The following LRRC7 variants were observed in gnomAD, a reference collection of about 807,000 sequenced individuals.
LRRC7 encodes leucine rich repeat containing 7.
In LRRC7, 23 loss-of-function variants were observed where a neutral mutation model predicts 175.7. That is an observed-to-expected ratio of 0.13 (90% CI 0.09 to 0.19). LRRC7 has a LOEUF of 0.19. Ranked by LOEUF, LRRC7 falls within the 10% of genes least tolerant of loss-of-function variation. The pLI, the probability that LRRC7 is intolerant of heterozygous loss-of-function variation, is 1.00. For missense variants in LRRC7, 1,354 were observed against 1,904.7 expected, an observed-to-expected ratio of 0.71 and a Z score of 5.38; for synonymous variants, 685 against 680.9, an observed-to-expected ratio of 1.01 and a Z score of -0.09.
chr1:69,791,055 A>G (rs1400829882), intron 3 of LRRC7, among the ~76,000 whole-genome samples: 1 of 152,036 alleles, frequency 6.6e-6, no homozygotes, highest in Non-Finnish European at 1.5e-5. Flanking sequence ...GGCCAGTTTC[A>G]TAGTCATGGA....
intron 1 of LRRC7, 100 bp downstream of exon 1, chr1:69,568,741 G>C: frequency 1.2e-6 from 1 of 825,528 alleles, no homozygotes; most frequent in Non-Finnish European, 1.6e-6. Flanking sequence ...GCCGGCCGGG[G>C]GCGGGGGTGG....
intron 17 of LRRC7, among the ~76,000 whole-genome samples, chr1:70,026,314 A>G (rs1315823083): frequency 6.6e-6 from 1 of 152,152 alleles, no homozygotes; most frequent in Non-Finnish European, 1.5e-5. Flanking sequence ...AATTGGCATG[A>G]TAGTCATAGC....
rs1401386064 is a variant in LRRC7 at position 70,121,931 on chromosome 1, G to A, written c.*44G>A. ...GAAGATACGTCTAGCCAGACCTAAT[G>A]TTCAAAAATAAATTTATACATAGAA... On this transcript the variant is annotated 3_prime_UTR_variant, in exon 27 of 27. Transcript: ENST00000651989. 3 of 1,391,574 alleles carry A rather than the reference G, an allele frequency of 2.2e-6. No homozygotes were observed. Among genetic ancestry groups the A allele is most frequent in the Admixed American group, 2.0e-5 (1 of 49,086 alleles). The allele number at this position is 1,391,574 out of a possible 1,614,324, so 86.2% of individuals were successfully genotyped here. A position where few individuals can be genotyped will look rare whatever the true frequency, so the allele number is the denominator to read the frequency against.
Position 70,039,717 on chromosome 1 carries a change from A to G in LRRC7, c.3893A>G (p.Glu1298Gly), listed in dbSNP as rs1371220914. 5.0e-6 allele frequency: 8 copies of G among 1,613,956 alleles called. No homozygotes were observed. Among genetic ancestry groups the G allele is most frequent in the Non-Finnish European group, 5.9e-6 (7 of 1,179,922 alleles). ...ACGAGGCCTACTCCTGTGAAGGGAG[A>G]GGAGAGCTGTGGTAAAATGCCTGCA... Reference protein sequence around the residue: ...LKTRPTPVKGEESCGKMPADW... With the variant: ...LKTRPTPVKGGESCGKMPADW... The change falls in exon 21 of 27, where the codon GAG (glutamate) becomes GGG (glycine). Residue 1298 changes from glutamate to glycine, a missense_variant. Physicochemically the swap from Glu to Gly is moderately conservative, Grantham distance 98. Coordinates refer to ENST00000651989, the MANE Select transcript of LRRC7 (RefSeq NM_001370785.2).
rs1433282069 is a variant in LRRC7 at position 70,136,589 on chromosome 1, G to A, written c.*14702G>A. Among the ~76,000 whole-genome samples the A allele has an allele frequency of 6.6e-6, 1 of 151,984 alleles. No individual in the cohort carries two copies. The highest frequency in any genetic ancestry group is 1.5e-5 in the Non-Finnish European group (1 of 68,004). On this transcript the variant is annotated 3_prime_UTR_variant, in exon 27 of 27. Coordinates refer to ENST00000651989, the MANE Select transcript of LRRC7 (RefSeq NM_001370785.2). ...CTCAAGAAACACAGTCTAGTGGGGA[G>A]ACACACAAAAAGTCTAATAAATGCT...
At chr1:69,904,966 C>G (rs1312774972) in intron 7 of LRRC7, among the ~76,000 whole-genome samples, 1 of 152,122 alleles carries the variant, frequency 6.6e-6, no homozygotes, top group Non-Finnish European at 1.5e-5. Context: ...ATAACACCCT[C>G]CATTATGTAT....
chr1:69,592,635 T>C (rs946997951), intron 1 of LRRC7, among the ~76,000 whole-genome samples: 3 of 152,026 alleles, frequency 2.0e-5, no homozygotes, highest in African/African-American at 7.2e-5. Flanking sequence ...TTAGGGGAAA[T>C]TGTGGAAATT....
intron 26 of LRRC7, among the ~76,000 whole-genome samples, chr1:70,112,594 G>C (rs1367986405): frequency 1.3e-5 from 2 of 152,208 alleles, no homozygotes; most frequent in Non-Finnish European, 2.9e-5. Context: ...CTGGGATGCA[G>C]AGAGGATGGC....
At chr1:70,066,817 C>T (rs1171500995) in intron 23 of LRRC7, among the ~76,000 whole-genome samples, 2 of 151,982 alleles carry the variant, frequency 1.3e-5, no homozygotes. Context: ...AACATTTTTC[C>T]AGAGTGGCTC....
intron 7 of LRRC7, among the ~76,000 whole-genome samples, chr1:69,839,310 T>C (rs1681467258): frequency 6.6e-6 from 1 of 152,092 alleles, no homozygotes; most frequent in African/African-American, 2.4e-5. Flanking sequence ...AATTTGAATA[T>C]ATACATAAAG....
intron 2 of LRRC7, among the ~76,000 whole-genome samples, chr1:69,698,895 CCTCA>C (rs1662967524): frequency 1.3e-5 from 2 of 152,150 alleles, no homozygotes; most frequent in Admixed American, 1.3e-4. Context: ...ATTTTTCCTA[CCTCA>C]CTCACCTTCC....
rs566661446 is a variant in LRRC7 at position 70,084,136 on chromosome 1, A to T, written c.4453-5591A>T. 3.3e-5 allele frequency among the ~76,000 whole-genome samples: 5 copies of T among 152,308 alleles called. No individual in the cohort carries two copies. In the South Asian group the frequency reaches 1.0e-3, roughly 32 times the overall value. ...CTTCTATTCTTTCTTTAGCTCTGTCATGATGACCTTGTTTTTTAATGGCTT... is the reference window on the plus strand; with the variant it reads ...CTTCTATTCTTTCTTTAGCTCTGTCTTGATGACCTTGTTTTTTAATGGCTT... On this transcript the variant is annotated intron_variant, in intron 24 of 26. Transcript: ENST00000651989.
chr1:70,010,068 A>G (rs1276308830), intron 11 of LRRC7, among the ~76,000 whole-genome samples: 2 of 152,160 alleles, frequency 1.3e-5, no homozygotes, highest in Admixed American at 6.6e-5. Flanking sequence ...ATTCCCTTGC[A>G]TATCAGATAA....
chr1:69,817,130 T>C (rs1557767663), intron 4 of LRRC7, among the ~76,000 whole-genome samples: 2 of 152,114 alleles, frequency 1.3e-5, no homozygotes. Flanking sequence ...TACATTTGCT[T>C]TTGTTGTTTG....
At chr1:69,770,052 G>A (rs1296858322) in intron 3 of LRRC7, among the ~76,000 whole-genome samples, 2 of 152,126 alleles carry the variant, frequency 1.3e-5, no homozygotes, top group Non-Finnish European at 2.9e-5. Context: ...ACAGAACAGT[G>A]ATGGTCTGGG....
chr1:70,000,892 G>A (rs1354070274), intron 11 of LRRC7, among the ~76,000 whole-genome samples: 1 of 152,122 alleles, frequency 6.6e-6, no homozygotes, highest in Non-Finnish European at 1.5e-5. Flanking sequence ...TGAATAACAA[G>A]GCTATAGATT....
intron 1 of LRRC7, among the ~76,000 whole-genome samples, chr1:69,672,999 C>T (rs1178657482): frequency 1.3e-5 from 2 of 152,164 alleles, no homozygotes; most frequent in African/African-American, 2.4e-5. Context: ...TCCTCAGGCC[C>T]TACATATCTG....
intron 11 of LRRC7, among the ~76,000 whole-genome samples, chr1:69,997,068 A>T (rs1224833520): frequency 6.6e-6 from 1 of 151,934 alleles, no homozygotes; most frequent in Non-Finnish European, 1.5e-5. Flanking sequence ...ATCCTCTTTT[A>T]TTTCTTTGAG....
intron 2 of LRRC7, among the ~76,000 whole-genome samples, chr1:69,745,639 T>C (rs1669174206): frequency 6.6e-6 from 1 of 151,874 alleles, no homozygotes; most frequent in South Asian, 2.1e-4. Context: ...TTTAATGATA[T>C]GAGAAAAATA....
Sources: allele counts gnomAD v4.1 joint callset (sites outside exome capture counted in the v4.1 genomes callset), GRCh38; gene constraint gnomAD v4.1.1; transcripts MANE v1.5; gene names NCBI Gene and HGNC (gene_info 2026-07-23, HGNC 2026-07-21).